The following PRKCB variants were observed in gnomAD, a reference collection of about 807,000 sequenced individuals.
The protein encoded by PRKCB is protein kinase C beta type.
Under a neutral mutation model 81.5 loss-of-function variants are expected in PRKCB, and 13 were observed. The observed-to-expected ratio is 0.16, with a 90% CI of 0.10 to 0.25. The LOEUF (loss-of-function observed/expected upper bound fraction) is 0.25, where lower values mean the gene tolerates loss of function less well. Ranked by LOEUF, PRKCB falls within the 10% of genes least tolerant of loss-of-function variation. The pLI is 1.00. For synonymous variants in PRKCB, 335 were observed against 321.4 expected, an observed-to-expected ratio of 1.04 and a Z score of -0.45; for missense variants, 509 against 875.7, an observed-to-expected ratio of 0.58 and a Z score of 5.29.
rs577617996 is a variant in PRKCB at position 24,173,234 on chromosome 16, C to T, written c.1331+873C>T. Among the ~76,000 whole-genome samples the T allele has an allele frequency of 4.6e-5, 7 of 152,290 alleles. No individual in the cohort carries two copies. The East Asian group carries it at 1.3e-3, about 29-fold the overall frequency. On this transcript the variant is annotated intron_variant, in intron 11 of 16. Transcript: ENST00000643927. ...TCCTCTGCTGAGTCAATTCCATCCC[C>T]TTCGGTTCAAAAGGCAGCTACAGTC...
chr16:23,948,718 C>T lies in PRKCB; in HGVS notation c.206-39790C>T, dbSNP rs572962462. On this transcript the variant is annotated intron_variant, in intron 2 of 16. Coordinates refer to ENST00000643927, the MANE Select transcript of PRKCB (RefSeq NM_002738.7). ...CACCGTGCCTGGCCCTCCTTGAATT[C>T]TCACAGTAACCTAGTGAGGTAGGTG... is the stretch of plus-strand genomic sequence containing the variant. Among the ~76,000 whole-genome samples, 2 of 152,290 alleles carry T rather than the reference C, an allele frequency of 1.3e-5. 1 individual carries two copies. The highest frequency in any genetic ancestry group is 4.1e-4 in the South Asian group (2 of 4,820).
intron 2 of PRKCB, among the ~76,000 whole-genome samples, chr16:23,907,935 C>T (rs1471953536): frequency 6.6e-6 from 1 of 152,198 alleles, no homozygotes; most frequent in Non-Finnish European, 1.5e-5. Flanking sequence ...TGTGATTTAA[C>T]AGCATATCGG....
chr16:23,911,119 G>A (rs1014042710), intron 2 of PRKCB, among the ~76,000 whole-genome samples: 9 of 47,458 alleles, frequency 1.9e-4, no homozygotes, highest in African/African-American at 3.3e-4. Flanking sequence ...AGCCATAAAC[G>A]TATATATGCT....
At chr16:23,948,004 T>G (rs1964227319) in intron 2 of PRKCB, among the ~76,000 whole-genome samples, 1 of 151,688 alleles carries the variant, frequency 6.6e-6, no homozygotes, top group Non-Finnish European at 1.5e-5. Context: ...CACAGACATG[T>G]GACCTAGGAT....
intron 2 of PRKCB, among the ~76,000 whole-genome samples, chr16:23,895,342 C>T (rs1396098844): frequency 2.0e-5 from 3 of 152,076 alleles, no homozygotes; most frequent in East Asian, 3.9e-4. Flanking sequence ...CAAACAACCA[C>T]CTCTTAAATT....
intron 9 of PRKCB, among the ~76,000 whole-genome samples, chr16:24,133,226 T>A (rs937515623): frequency 2.0e-5 from 3 of 151,910 alleles, no homozygotes; most frequent in Admixed American, 6.6e-5. Flanking sequence ...CAAAAAAAAA[T>A]TGCATGCCTT....
intron 2 of PRKCB, among the ~76,000 whole-genome samples, chr16:23,871,326 C>A (rs1962900069): frequency 6.6e-6 from 1 of 152,180 alleles, no homozygotes; most frequent in Non-Finnish European, 1.5e-5. Context: ...TCTCCACATG[C>A]CTGGCCCGTG....
At chr16:24,035,284 C>A in intron 4 of PRKCB, 135 bp from the exon 5 acceptor site, 2 of 1,194,040 alleles carry the variant, frequency 1.7e-6, no homozygotes, top group Non-Finnish European at 2.3e-6. Context: ...GCAAGTTGGT[C>A]TCAGCCAGGC....
At chr16:23,841,301 A>T (rs1597204261) in intron 2 of PRKCB, among the ~76,000 whole-genome samples, 1 of 152,020 alleles carries the variant, frequency 6.6e-6, no homozygotes, top group East Asian at 1.9e-4. Context: ...GCTGGTCTTG[A>T]ACTCCTGACC....
chr16:24,194,882 C>A (rs940780321), intron 16 of PRKCB, among the ~76,000 whole-genome samples: 2 of 152,058 alleles, frequency 1.3e-5, no homozygotes, highest in African/African-American at 4.8e-5. Context: ...TACCTTCAGT[C>A]TCCTTAGACT....
At chr16:24,053,421 T>C (rs941912941) in intron 5 of PRKCB, among the ~76,000 whole-genome samples, 4 of 152,166 alleles carry the variant, frequency 2.6e-5, no homozygotes, top group Non-Finnish European at 1.5e-5. Context: ...TGGGCACGGG[T>C]GTGTGCCAAT....
intron 2 of PRKCB, among the ~76,000 whole-genome samples, chr16:23,953,389 C>T (rs1277272160): frequency 6.6e-6 from 1 of 152,342 alleles, no homozygotes; most frequent in Admixed American, 6.5e-5. Context: ...TGCTCCCGAG[C>T]AGCCATCCAG....
intron 2 of PRKCB, among the ~76,000 whole-genome samples, chr16:23,875,760 A>G (rs4992498): frequency 0.085 from 10,942 of 128,032 alleles, 790 homozygotes; most frequent in Middle Eastern, 0.17. Flanking sequence ...ACATATATGT[A>G]TGTATATCAC....
chr16:24,078,952 G>A (rs1966215086), intron 5 of PRKCB, among the ~76,000 whole-genome samples: 1 of 152,170 alleles, frequency 6.6e-6, no homozygotes, highest in Non-Finnish European at 1.5e-5. Context: ...GAGCACAAAA[G>A]TTGCATGGTT....
intron 3 of PRKCB, among the ~76,000 whole-genome samples, chr16:23,994,077 C>T (rs936866310): frequency 6.6e-6 from 1 of 152,154 alleles, no homozygotes; most frequent in Admixed American, 6.5e-5. Context: ...TAATCTTTCT[C>T]CCAGCCTTGC....
At chr16:24,115,522 G>C (rs1966727788) in intron 8 of PRKCB, among the ~76,000 whole-genome samples, 1 of 151,638 alleles carries the variant, frequency 6.6e-6, no homozygotes, top group African/African-American at 2.4e-5. Context: ...TTTATCCCAA[G>C]AGCATTTATC....
chr16:24,040,097 G>A (rs1234766168), intron 5 of PRKCB, among the ~76,000 whole-genome samples: 2 of 152,104 alleles, frequency 1.3e-5, no homozygotes, highest in African/African-American at 4.8e-5. Flanking sequence ...CATCTCTAGA[G>A]GTCAAAGGTT....
intron 3 of PRKCB, among the ~76,000 whole-genome samples, chr16:24,023,343 T>C (rs560480234): frequency 6.9e-4 from 105 of 152,322 alleles, no homozygotes; most frequent in African/African-American, 2.4e-3. Context: ...AGGAAGGGAA[T>C]GTATTTTGGT....
intron 5 of PRKCB, among the ~76,000 whole-genome samples, chr16:24,061,842 G>A (rs1276127445): frequency 6.9e-6 from 1 of 145,240 alleles, no homozygotes; most frequent in African/African-American, 2.5e-5. Flanking sequence ...AGCCTGGAGC[G>A]ACAAAGCAAT....
Sources: gnomAD v4.1 joint callset for allele counts (sites outside exome capture counted in the v4.1 genomes callset) on GRCh38, gnomAD v4.1.1 for gene constraint, MANE v1.5 for transcripts, NCBI Gene and HGNC (gene_info 2026-07-23, HGNC 2026-07-21) for gene names.